NUP214: variants seen among roughly 807,000 people sequenced by gnomAD.
The protein encoded by NUP214 is nucleoporin 214.
A neutral mutation model predicts 196.2 loss-of-function variants in NUP214; 79 were observed. That is an observed-to-expected ratio of 0.40 (90% CI 0.34 to 0.49). The LOEUF is 0.49. Among genes scored for constraint, NUP214 ranks in the 20% least tolerant of loss-of-function variants. The pLI, the probability that NUP214 is intolerant of heterozygous loss-of-function variation, is 0.58. For synonymous variants in NUP214, 1,020 were observed against 990.5 expected, an observed-to-expected ratio of 1.03 and a Z score of -0.56; for missense variants, 2,468 against 2,539.0, an observed-to-expected ratio of 0.97 and a Z score of 0.60.
chr9:131,200,335 G>A (rs950939666), intron 29 of NUP214, among the ~76,000 whole-genome samples: 2 of 152,246 alleles, frequency 1.3e-5, no homozygotes, highest in African/African-American at 4.8e-5. Context: ...CAGCAATTCG[G>A]GAGGCCGAGG....
intron 8 of NUP214, among the ~76,000 whole-genome samples, chr9:131,135,432 A>G (rs1831694494): frequency 6.6e-6 from 1 of 152,166 alleles, no homozygotes; most frequent in Non-Finnish European, 1.5e-5. Context: ...TTTTCAGCTG[A>G]TTCTTGATAA....
intron 3 of NUP214, 105 bp from the exon 4 acceptor site, chr9:131,129,174 C>T: frequency 1.1e-6 from 1 of 922,236 alleles, no homozygotes; most frequent in Non-Finnish European, 1.7e-6. Flanking sequence ...GAAAAATAAA[C>T]TGATTTGAGA....
chr9:131,159,449 G>A lies in NUP214; in HGVS notation c.2503G>A (p.Glu835Lys). ...AGATGTGAATGATGTTCTAGACTTG[G>A]AGTGGGATCAGCATCTGGAACAAAA... ...VQDVNDVLDL[E>K]WDQHLEQKKK... Residue 835 changes from glutamate (E) to lysine (K), a missense_variant, in exon 18 of 36, where the codon GAG (glutamate) becomes AAG (lysine). Physicochemically the swap from Glu to Lys is moderately conservative, Grantham distance 56. This residue lies in a region of NUP214 where 1,801 missense variants were observed against 1,779.4 expected (regional missense o/e 1.01). Coordinates refer to ENST00000359428, the MANE Select transcript of NUP214 (RefSeq NM_005085.4). 6.2e-7 allele frequency: 1 copy of A among 1,614,128 alleles called. No homozygotes were observed. Among genetic ancestry groups the A allele is most frequent in the Non-Finnish European group, 8.5e-7 (1 of 1,179,998 alleles).
chr9:131,209,209 CA>C (rs145468772), intron 30 of NUP214, among the ~76,000 whole-genome samples: 15 of 150,102 alleles, frequency 1.0e-4, no homozygotes, highest in East Asian at 1.9e-4. Flanking sequence ...TCCATCTCTA[CA>C]AAAAAAAAGA....
intron 32 of NUP214, among the ~76,000 whole-genome samples, chr9:131,223,138 A>G (rs949435664): frequency 6.6e-6 from 1 of 152,082 alleles, no homozygotes; most frequent in Non-Finnish European, 1.5e-5. Context: ...CATGTTTAAA[A>G]GCATAGAATG....
chr9:131,212,727 A>G (rs1834280111), intron 30 of NUP214, among the ~76,000 whole-genome samples: 1 of 152,128 alleles, frequency 6.6e-6, no homozygotes, highest in African/African-American at 2.4e-5. Flanking sequence ...TACTCCTTAC[A>G]CTATATTAAG....
Position 131,127,747 on chromosome 9 carries a change from TAGAG to T in NUP214, c.241+33_241+36del, listed in dbSNP as rs758965689. The T allele has an allele frequency of 3.9e-6, 6 of 1,539,688 alleles. No homozygotes were observed. The African/African-American group carries it at 6.8e-5, about 18-fold the overall frequency. ...AAGTTCCCTGGTTTATGTTGCAAAG[TAGAG>T]AGAGGAGTATGGTGGCATGCTCTTG... On this transcript the variant is annotated intron_variant, in intron 2 of 35. Transcript: ENST00000359428.
Position 131,192,189 on chromosome 9 carries a change from TTTTTTTC to T in NUP214, c.3575-18_3575-12del, listed in dbSNP as rs1201749446. 131 of 1,139,270 alleles carry T rather than the reference TTTTTTTC, an allele frequency of 1.1e-4. No homozygotes were observed. In the African/African-American group the frequency reaches 1.9e-3, roughly 17 times the overall value. 70.6% of individuals were successfully genotyped at this position (1,139,270 alleles called of 1,614,324 possible). ...ATATTCTTTTTTTTTTTTTTTTTTTTTTTTTTCCATAATTTCAGGGACAGCCAAGATA... is the reference window on the plus strand; with the variant it reads ...ATATTCTTTTTTTTTTTTTTTTTTTTCATAATTTCAGGGACAGCCAAGATA... On this transcript the variant is annotated splice_polypyrimidine_tract_variant and intron_variant, in intron 26 of 35. Coordinates refer to ENST00000359428, the MANE Select transcript of NUP214 (RefSeq NM_005085.4).
At chr9:131,159,518 G>C in intron 18 of NUP214, 32 bp downstream of exon 18, 3 of 1,468,852 alleles carry the variant, frequency 2.0e-6, no homozygotes, top group Non-Finnish European at 2.9e-6. Context: ...CAATGTGTTG[G>C]AATAGATATT....
chr9:131,163,389 A>G, intron 19 of NUP214: 3 of 531,816 alleles, frequency 5.6e-6, no homozygotes, highest in Non-Finnish European at 9.8e-6. Context: ...AGTTAAATTA[A>G]GTCTGTAAAA....
At chr9:131,148,796 G>T (rs897320687) in intron 14 of NUP214, among the ~76,000 whole-genome samples, 1 of 151,762 alleles carries the variant, frequency 6.6e-6, no homozygotes, top group African/African-American at 2.4e-5. Flanking sequence ...ACACACACAC[G>T]CACACACATA....
chr9:131,131,658 G>T (rs1319015448), intron 5 of NUP214, among the ~76,000 whole-genome samples: 1 of 152,080 alleles, frequency 6.6e-6, no homozygotes, highest in Non-Finnish European at 1.5e-5. Flanking sequence ...TTCTTGCTTT[G>T]CTGTTTGCCT....
At position 131,127,707 on chromosome 9, in the gene NUP214, C is replaced by A; in HGVS notation, c.229C>A (p.Pro77Thr). 18 of 1,613,220 alleles carry A rather than the reference C, an allele frequency of 1.1e-5. No homozygotes were observed. The highest frequency in any genetic ancestry group is 1.5e-5 in the Non-Finnish European group (18 of 1,179,354). ...TATTCAAAATAAACCCGGAGATGAT[C>A]CCAACAAAATAGGTAAGTTCCCTGG... ...LLIQNKPGDD[P>T]NKIVDKVQGL... The change falls in exon 2 of 36, where the codon CCC becomes ACC. Residue 77 changes from proline (P) to threonine (T), a missense_variant. Pro to Thr is a conservative substitution (Grantham distance 38). Coordinates refer to ENST00000359428, the MANE Select transcript of NUP214 (RefSeq NM_005085.4).
At chr9:131,160,150 T>A (rs1049773116) in intron 18 of NUP214, among the ~76,000 whole-genome samples, 36 of 151,824 alleles carry the variant, frequency 2.4e-4, no homozygotes, top group Non-Finnish European at 2.5e-4. Context: ...TGAATACATA[T>A]TCTATGTTCT....
intron 16 of NUP214, among the ~76,000 whole-genome samples, chr9:131,151,183 G>T (rs1457212416): frequency 1.3e-5 from 2 of 152,214 alleles, no homozygotes; most frequent in Non-Finnish European, 2.9e-5. Flanking sequence ...TGTTAATAGT[G>T]TTAATTATTG....
chr9:131,146,443 TGCTGTG>T lies in NUP214; in HGVS notation c.1945+140_1945+145del. 4.8e-6 allele frequency: 4 copies of T among 840,954 alleles called. No individual in the cohort carries two copies. The highest frequency in any genetic ancestry group is 7.4e-6 in the Non-Finnish European group (4 of 537,180). 52.1% of individuals were successfully genotyped at this position (840,954 alleles called of 1,614,324 possible). A position where few individuals can be genotyped will look rare whatever the true frequency, so the allele number is the denominator to read the frequency against. On this transcript the variant is annotated intron_variant, in intron 13 of 35. Transcript: ENST00000359428. The surrounding 1 kb of genome is among the most constrained non-coding windows in gnomAD (Gnocchi z 4.6). Reference sequence around the variant, plus strand: ...CTGTATCATACATTAATGATTAATGTGCTGTGATTTTCATACTCTGAATTGGGAGAT... The same window carrying T: ...CTGTATCATACATTAATGATTAATGTATTTTCATACTCTGAATTGGGAGAT...
At chr9:131,153,978 G>A (rs1294508825) in intron 17 of NUP214, among the ~76,000 whole-genome samples, 1 of 152,182 alleles carries the variant, frequency 6.6e-6, no homozygotes, top group Non-Finnish European at 1.5e-5. Flanking sequence ...TTTGTGATAG[G>A]CTTTAAAAGA....
At chr9:131,192,941 CAAAAAAAAAAAA>C (rs34653431) in intron 27 of NUP214, among the ~76,000 whole-genome samples, 2 of 31,056 alleles carry the variant, frequency 6.4e-5, no homozygotes, top group South Asian at 1.8e-3. Flanking sequence ...ACCCCGTCTC[CAAAAAAAAAAAA>C]AAAAAAAAAA....
chr9:131,133,287 G>T, intron 7 of NUP214, 78 bp downstream of exon 7: 3 of 854,652 alleles, frequency 3.5e-6, no homozygotes, highest in Admixed American at 3.0e-5. Flanking sequence ...GATTTCAAGG[G>T]GTTTTTTTGT....
Sources: gnomAD v4.1 joint callset for allele counts (sites outside exome capture counted in the v4.1 genomes callset) on GRCh38, gnomAD v4.1.1 for gene constraint, gnomAD v4.1.1 regional missense constraint, Gnocchi (gnomAD v3.1) non-coding constraint, MANE v1.5 for transcripts, NCBI Gene and HGNC (gene_info 2026-07-23, HGNC 2026-07-21) for gene names.